Variants in CACNA2D3 observed in about 807,000 individuals in gnomAD.
CACNA2D3 encodes the protein calcium voltage-gated channel auxiliary subunit alpha2delta 3, also known as voltage-dependent calcium channel subunit alpha-2/delta-3.
CACNA2D3 carries 60 observed loss-of-function variants against 160.6 expected under a neutral mutation model. The observed-to-expected ratio is 0.37, with a 90% CI of 0.30 to 0.46. The LOEUF is 0.46. Among genes scored for constraint, CACNA2D3 ranks in the 20% least tolerant of loss-of-function variants. CACNA2D3 has a pLI of 1.00. For synonymous variants in CACNA2D3, 558 were observed against 492.9 expected, an observed-to-expected ratio of 1.13 and a Z score of -1.75; for missense variants, 1,205 against 1,365.0, an observed-to-expected ratio of 0.88 and a Z score of 1.85.
intron 2 of CACNA2D3, among the ~76,000 whole-genome samples, chr3:54,226,488 G>T (rs1701675896): frequency 1.3e-5 from 2 of 151,848 alleles, no homozygotes; most frequent in South Asian, 4.2e-4. Context: ...TTTTTGTTGA[G>T]ACAAGGGTCT....
At chr3:54,727,770 G>A (rs1701306037) in intron 11 of CACNA2D3, among the ~76,000 whole-genome samples, 2 of 152,146 alleles carry the variant, frequency 1.3e-5, no homozygotes, top group South Asian at 2.1e-4. Flanking sequence ...GCTGGTGGGG[G>A]CAGGGAAGGG....
chr3:54,571,534 C>G (rs1056242300), intron 8 of CACNA2D3, among the ~76,000 whole-genome samples: 5 of 151,716 alleles, frequency 3.3e-5, no homozygotes, highest in African/African-American at 9.7e-5. Flanking sequence ...TCATCATGCC[C>G]CTTATGTTCC....
chr3:54,166,104 C>G (rs1700449717), intron 2 of CACNA2D3, among the ~76,000 whole-genome samples: 1 of 152,146 alleles, frequency 6.6e-6, no homozygotes. Flanking sequence ...TGGGTGGAGG[C>G]TTTGTTGAGA....
At chr3:54,538,642 C>G (rs927018812) in intron 5 of CACNA2D3, among the ~76,000 whole-genome samples, 2 of 152,170 alleles carry the variant, frequency 1.3e-5, no homozygotes, top group Non-Finnish European at 2.9e-5. Context: ...CGGCTTTCTC[C>G]TAACAGACTT....
intron 2 of CACNA2D3, among the ~76,000 whole-genome samples, chr3:54,275,038 T>A (rs1702705147): frequency 6.6e-6 from 1 of 152,230 alleles, no homozygotes; most frequent in South Asian, 2.1e-4. Context: ...CTGGGGTCCA[T>A]CCAAGAAGTT....
At chr3:54,359,295 G>A (rs1288259542) in intron 3 of CACNA2D3, among the ~76,000 whole-genome samples, 6 of 152,166 alleles carry the variant, frequency 3.9e-5, no homozygotes, top group Non-Finnish European at 2.9e-5. Context: ...TGAAAACAAA[G>A]GTCTGGGAGA....
intron 9 of CACNA2D3, among the ~76,000 whole-genome samples, chr3:54,624,554 G>A (rs1244462876): frequency 6.6e-6 from 1 of 152,142 alleles, no homozygotes; most frequent in Non-Finnish European, 1.5e-5. Context: ...CCCGGGAGGC[G>A]GAGCTTCTGG....
intron 29 of CACNA2D3, among the ~76,000 whole-genome samples, chr3:54,975,617 C>T (rs17054629): frequency 0.11 from 16,129 of 151,810 alleles, 1,057 homozygotes; most frequent in African/African-American, 0.18. Flanking sequence ...GCCAGTTCTC[C>T]GCCTTGTTCT....
chr3:54,827,049 C>T (rs1182120351), intron 14 of CACNA2D3, among the ~76,000 whole-genome samples: 1 of 151,906 alleles, frequency 6.6e-6, no homozygotes, highest in Non-Finnish European at 1.5e-5. Flanking sequence ...TGATTGCAAC[C>T]TCCTTTGCTA....
At chr3:54,688,078 G>T (rs1400877781) in intron 11 of CACNA2D3, among the ~76,000 whole-genome samples, 1 of 152,040 alleles carries the variant, frequency 6.6e-6, no homozygotes, top group Non-Finnish European at 1.5e-5. Context: ...CTTTCATGTT[G>T]TATAAGCAAC....
At chr3:54,964,793 T>C (rs1227075101) in intron 27 of CACNA2D3, among the ~76,000 whole-genome samples, 1 of 151,972 alleles carries the variant, frequency 6.6e-6, no homozygotes. Context: ...TATTTGCTTG[T>C]TTGTTGGGGG....
chr3:54,861,693 G>A (rs573375579), intron 17 of CACNA2D3, among the ~76,000 whole-genome samples: 21 of 152,336 alleles, frequency 1.4e-4, no homozygotes, highest in South Asian at 8.3e-4. Context: ...TAAGCTGACG[G>A]CAAGATTGAT....
chr3:54,478,574 G>C (rs1700870098), intron 4 of CACNA2D3, among the ~76,000 whole-genome samples: 2 of 123,450 alleles, frequency 1.6e-5, no homozygotes, highest in Admixed American at 2.0e-4. Context: ...GGAGCTTGCA[G>C]TGAGCCAAGA....
chr3:54,140,842 A>G (rs1382280945), intron 2 of CACNA2D3, among the ~76,000 whole-genome samples: 1 of 152,146 alleles, frequency 6.6e-6, no homozygotes, highest in East Asian at 1.9e-4. Flanking sequence ...CTGTCAGAAA[A>G]TATCTATGGA....
chr3:54,199,374 A>G (rs1701135865), intron 2 of CACNA2D3, among the ~76,000 whole-genome samples: 4 of 151,878 alleles, frequency 2.6e-5, no homozygotes, highest in African/African-American at 9.7e-5. Flanking sequence ...AATTTTATTT[A>G]TTTATTTTTG....
At chr3:54,165,784 T>C (rs1700443913) in intron 2 of CACNA2D3, among the ~76,000 whole-genome samples, 1 of 152,110 alleles carries the variant, frequency 6.6e-6, no homozygotes, top group Non-Finnish European at 1.5e-5. Context: ...GGTGACAGAA[T>C]GAGACCCTGT....
At chr3:54,268,333 A>G (rs1334613174) in intron 2 of CACNA2D3, among the ~76,000 whole-genome samples, 1 of 152,170 alleles carries the variant, frequency 6.6e-6, no homozygotes, top group Admixed American at 6.5e-5. Context: ...CCCGCTGGCC[A>G]CTGCACTGAG....
At chr3:54,348,082 T>A (rs1408684921) in intron 3 of CACNA2D3, among the ~76,000 whole-genome samples, 1 of 152,236 alleles carries the variant, frequency 6.6e-6, no homozygotes, top group Non-Finnish European at 1.5e-5. Flanking sequence ...GCTCTTGGGT[T>A]CATTGGAGTG....
At chr3:54,722,709 T>C (rs969865999) in intron 11 of CACNA2D3, among the ~76,000 whole-genome samples, 3 of 152,282 alleles carry the variant, frequency 2.0e-5, no homozygotes, top group African/African-American at 7.2e-5. Context: ...TTTGCCTGGG[T>C]ATCACTAGCA....
Sources: gnomAD v4.1 joint callset for allele counts (sites outside exome capture counted in the v4.1 genomes callset) on GRCh38, gnomAD v4.1.1 for gene constraint, MANE v1.5 for transcripts, NCBI Gene and HGNC (gene_info 2026-07-23, HGNC 2026-07-21) for gene names.